Variants in CR2 observed in about 807,000 individuals in gnomAD.
CR2 encodes the protein complement C3d receptor 2, also known as complement receptor type 2.
A neutral mutation model predicts 123.0 loss-of-function variants in CR2; 96 were observed. That is an observed-to-expected ratio of 0.78 (90% confidence interval 0.66 to 0.93). The LOEUF (loss-of-function observed/expected upper bound fraction) is 0.93. CR2 is among the 40% of genes least tolerant of loss of function. The pLI, the probability that CR2 is intolerant of heterozygous loss-of-function variation, is 0.00. For synonymous variants in CR2, 484 were observed against 469.5 expected (o/e 1.03, Z -0.40); for missense variants, 1,258 against 1,361.0 (o/e 0.92, Z 1.19).
chr1:207,474,344 G>A, intron 13 of CR2, 21 bp downstream of exon 13: 2 of 1,543,688 alleles, frequency 1.3e-6, no homozygotes, highest in Non-Finnish European at 9.0e-7. Context: ...AAAAATAAAA[G>A]CCTGACAATG....
Position 207,473,034 on chromosome 1 carries a change from C to G in CR2, c.1833C>G (p.Tyr611Ter), listed in dbSNP as rs376173832. The change falls in exon 10 of 20, where the codon TAC becomes TAG. Residue 611 changes from tyrosine (Y) to a stop codon, truncating the protein, a stop_gained. Transcript: ENST00000367057. LOFTEE classifies it high-confidence loss of function. ...CACATGTCCATATTGCAAATGGATA[C>G]AAGATATCTGGCAAGGAAGCCCCAT... The part of the protein sequence containing the change: ...QCSHVHIANG[Y>*]KISGKEAPYF... The G allele has an allele frequency of 1.9e-6, 3 of 1,613,966 alleles. No individual in the cohort carries two copies. The highest frequency in any genetic ancestry group is 2.5e-6 in the Non-Finnish European group (3 of 1,179,922).
chr1:207,479,905 G>A, intron 17 of CR2, 73 bp from the exon 18 acceptor site: 1 of 1,079,842 alleles, frequency 9.3e-7, no homozygotes, highest in Middle Eastern at 2.0e-4. Context: ...ACTAGCAATA[G>A]GCCCTGCAAT....
chr1:207,465,272 A>G (rs2102299661), intron 1 of CR2, among the ~76,000 whole-genome samples: 1 of 152,280 alleles, frequency 6.6e-6, no homozygotes, highest in South Asian at 2.1e-4. Flanking sequence ...TAATATCTAA[A>G]TGTTGCAGAT....
chr1:207,471,342 T>C (rs1658273883), intron 8 of CR2, 81 bp from the exon 9 acceptor site: 1 of 1,108,592 alleles, frequency 9.0e-7, no homozygotes, highest in Non-Finnish European at 1.4e-6. Context: ...CTGAAAGTAG[T>C]GAGTCTGCTT....
Position 207,454,492 on chromosome 1 carries a change from G to T in CR2, c.58+16G>T. ...GGGGTCCTCGGTGAGCTGGGAGGGG[G>T]AGCACGGAGGTGGGGACGCGTCCCG... On this transcript the variant is annotated intron_variant, in intron 1 of 19. Transcript: ENST00000367057. The surrounding 1 kb of genome is among the most constrained non-coding windows in gnomAD (Gnocchi z 4.3). The T allele has an allele frequency of 1.3e-6, 2 of 1,534,116 alleles. No individual in the cohort carries two copies. Among genetic ancestry groups the T allele is most frequent in the East Asian group, 2.4e-5 (1 of 42,426 alleles).
chr1:207,486,212 C>G (rs930246449), intron 19 of CR2, among the ~76,000 whole-genome samples: 3 of 109,580 alleles, frequency 2.7e-5, no homozygotes, highest in South Asian at 5.8e-4. Flanking sequence ...GCCTGGACAA[C>G]AGAGCAAGAC....
chr1:207,467,678 T>C (rs1032979), intron 2 of CR2, among the ~76,000 whole-genome samples: 47,849 of 152,092 alleles, frequency 0.31, 7,968 homozygotes, highest in African/African-American at 0.42. Context: ...GTTTATTGAT[T>C]GATTGATTGA....
At chr1:207,478,525 C>CAAAAAAAAAAAAAAAAAAAAAAAAAAAA (rs36116544) in intron 16 of CR2, among the ~76,000 whole-genome samples, 1 of 58,744 alleles carries the variant, frequency 1.7e-5, no homozygotes, top group Non-Finnish European at 3.2e-5. Flanking sequence ...AAGACCCTAT[C>CAAAAAAAAAAAAAAAAAAAAAAAAAAAA]AAAAAAAAAA....
chr1:207,487,247 G>C (rs539193780), intron 19 of CR2, among the ~76,000 whole-genome samples: 1 of 152,274 alleles, frequency 6.6e-6, no homozygotes, highest in African/African-American at 2.4e-5. Context: ...CCAAAAAAAT[G>C]AGCCCTGAAA....
chr1:207,483,049 G>A (rs547443426), intron 18 of CR2, among the ~76,000 whole-genome samples: 9 of 152,120 alleles, frequency 5.9e-5, no homozygotes, highest in South Asian at 2.1e-4. Context: ...AAAGCATACC[G>A]TCAGGTGTTG....
intron 1 of CR2, among the ~76,000 whole-genome samples, chr1:207,461,243 C>T (rs1462177604): frequency 1.3e-5 from 2 of 152,102 alleles, no homozygotes; most frequent in Non-Finnish European, 2.9e-5. Context: ...TGCCACATGC[C>T]TTTCCTGTTT....
At chr1:207,471,614 A>T (rs2102304869) in intron 9 of CR2, 115 bp downstream of exon 9, 6 of 780,908 alleles carry the variant, frequency 7.7e-6, no homozygotes, top group Non-Finnish European at 1.4e-5. Context: ...TGTTCTATTG[A>T]TTCTGCCAAT....
chr1:207,483,295 G>A (rs1384334929), intron 18 of CR2, among the ~76,000 whole-genome samples: 1 of 152,172 alleles, frequency 6.6e-6, no homozygotes, highest in Non-Finnish European at 1.5e-5. Context: ...GCTCAGTTAT[G>A]TAATTCCTAG....
At chr1:207,473,427 T>G in intron 10 of CR2, 118 bp from the exon 11 acceptor site, 1 of 1,210,452 alleles carries the variant, frequency 8.3e-7, no homozygotes, top group Non-Finnish European at 1.2e-6. Flanking sequence ...GTAGTGAATT[T>G]GAGCTTCATG....
At chr1:207,470,228 A>C in intron 6 of CR2, 126 bp downstream of exon 6, 1 of 1,057,228 alleles carries the variant, frequency 9.5e-7, no homozygotes, top group Admixed American at 2.3e-5. Flanking sequence ...ACATCTAATC[A>C]ATATAAATTT....
At chr1:207,457,053 G>C (rs1558185708) in intron 1 of CR2, among the ~76,000 whole-genome samples, 1 of 152,140 alleles carries the variant, frequency 6.6e-6, no homozygotes, top group African/African-American at 2.4e-5. Context: ...ATACAAAACT[G>C]TGTTCTATTT....
At chr1:207,486,778 C>T (rs75907730) in intron 19 of CR2, among the ~76,000 whole-genome samples, 1,809 of 152,280 alleles carry the variant, frequency 0.012, 18 homozygotes, top group Non-Finnish European at 0.019. Context: ...AATAATGACA[C>T]GAGGGCTTTT....
chr1:207,486,499 G>C (rs1293050378), intron 19 of CR2, among the ~76,000 whole-genome samples: 1 of 152,142 alleles, frequency 6.6e-6, no homozygotes, highest in Non-Finnish European at 1.5e-5. Flanking sequence ...AGTGTGCTAG[G>C]TCATGGTAAA....
rs755441915 is a variant in CR2 at position 207,470,750 on chromosome 1, C to A, written c.1236C>A (p.Ala412=). 1 of 1,613,722 alleles carries A rather than the reference C, an allele frequency of 6.2e-7. No individual in the cohort carries two copies. Among genetic ancestry groups the A allele is most frequent in the South Asian group, 1.1e-5 (1 of 91,072 alleles). Residue 412 remains alanine, a synonymous_variant, in exon 7 of 20, where the codon GCC becomes GCA. Coordinates refer to ENST00000367057, the MANE Select transcript of CR2 (RefSeq NM_001006658.3). ...SAPVCEKECQ[A]PPNILNGQKE... is the part of the protein sequence containing the mutation. Reference sequence around the variant, plus strand: ...TGTCCTTTCATTTAGAATGCCAGGCCCCTCCTAACATCCTCAATGGGCAAA... The same window carrying A: ...TGTCCTTTCATTTAGAATGCCAGGCACCTCCTAACATCCTCAATGGGCAAA...
Sources: gnomAD v4.1 joint callset for allele counts (sites outside exome capture counted in the v4.1 genomes callset) on GRCh38, gnomAD v4.1.1 for gene constraint, Gnocchi (gnomAD v3.1) non-coding constraint, MANE v1.5 for transcripts, NCBI Gene and HGNC (gene_info 2026-07-23, HGNC 2026-07-21) for gene names.